The following CDK6 variants were observed in gnomAD, a reference collection of about 807,000 sequenced individuals.
The protein encoded by CDK6 is cyclin dependent kinase 6.
A neutral mutation model predicts 37.1 loss-of-function variants in CDK6; 6 were observed. The ratio of observed to expected loss-of-function variants is 0.16; its 90% confidence interval spans 0.09 to 0.32. The LOEUF (loss-of-function observed/expected upper bound fraction) is 0.32, where lower values mean the gene tolerates loss of function less well. Among genes scored for constraint, CDK6 ranks in the 10% least tolerant of loss-of-function variants. The probability of loss-of-function intolerance (pLI) is 1.00; values close to 1 mark genes in which losing one functional copy is unlikely to be tolerated. For synonymous variants in CDK6, 160 were observed against 161.3 expected (o/e 0.99, Z 0.06); for missense variants, 224 against 418.9 (o/e 0.53, Z 4.06).
Position 92,615,053 on chromosome 7 carries a change from C to T in CDK6, c.*87G>A, listed in dbSNP as rs2116475672. ...TGGAAGGCCTCCAGATAGCAATCCT[C>T]CACAGCTCTGTAGGGCTTGCTGAGG... On this transcript the variant is annotated 3_prime_UTR_variant, in exon 8 of 8. Transcript: ENST00000424848. The T allele has an allele frequency of 7.1e-7, 1 of 1,417,340 alleles. No individual in the cohort carries two copies. The highest frequency in any genetic ancestry group is 9.7e-7 in the Non-Finnish European group (1 of 1,029,368). 87.8% of individuals were successfully genotyped at this position (1,417,340 alleles called of 1,614,324 possible). A position where few individuals can be genotyped will look rare whatever the true frequency, so the allele number is the denominator to read the frequency against.
chr7:92,725,722 T>C lies in CDK6; in HGVS notation c.441A>G (p.Lys147=), dbSNP rs1169818645. The change falls in exon 4 of 8, where the codon AAA becomes AAG. Residue 147 remains lysine (K), a synonymous_variant. Coordinates refer to ENST00000424848, the MANE Select transcript of CDK6 (RefSeq NM_001145306.2). ...TGCTGGTCACCAGAATGTTCTGTGGTTTTAGATCGCGATGCACTACTCGGT... is the reference window on the plus strand; with the variant it reads ...TGCTGGTCACCAGAATGTTCTGTGGCTTTAGATCGCGATGCACTACTCGGT... ...HSHRVVHRDL[K]PQNILVTSSG... The C allele has an allele frequency of 1.2e-6, 2 of 1,614,044 alleles. No individual in the cohort carries two copies. Among genetic ancestry groups the C allele is most frequent in the South Asian group, 2.2e-5 (2 of 91,076 alleles).
chr7:92,781,940 C>T (rs531745412), intron 2 of CDK6, among the ~76,000 whole-genome samples: 5 of 152,214 alleles, frequency 3.3e-5, no homozygotes, highest in Non-Finnish European at 7.3e-5. Flanking sequence ...CCACTGTATT[C>T]TCTTTTTTGC....
intron 5 of CDK6, among the ~76,000 whole-genome samples, chr7:92,660,278 G>A (rs1450684338): frequency 6.6e-6 from 1 of 152,192 alleles, no homozygotes; most frequent in Non-Finnish European, 1.5e-5. Flanking sequence ...TGGGGCTACT[G>A]TAAGCACAGT....
chr7:92,711,670 C>T (rs1450276871), intron 4 of CDK6, among the ~76,000 whole-genome samples: 1 of 147,958 alleles, frequency 6.8e-6, no homozygotes, highest in East Asian at 2.0e-4. Flanking sequence ...TGGGCTCAAG[C>T]GATCTTCCCA....
Position 92,672,134 on chromosome 7 carries a change from C to CATATATATATATAT in CDK6, c.538-613_538-600dup, listed in dbSNP as rs372523914. 2.4e-3 allele frequency among the ~76,000 whole-genome samples: 159 copies of CATATATATATATAT among 65,388 alleles called. 4 individuals carry two copies. Among genetic ancestry groups the CATATATATATATAT allele is most frequent in the Middle Eastern group, 0.012 (1 of 84 alleles). 42.9% of individuals were successfully genotyped at this position (65,388 alleles called of 152,430 possible). A position where few individuals can be genotyped will look rare whatever the true frequency, so the allele number is the denominator to read the frequency against. On this transcript the variant is annotated intron_variant, in intron 4 of 7. Coordinates refer to ENST00000424848, the MANE Select transcript of CDK6 (RefSeq NM_001145306.2). ...AACCACTTGTACCCCAAAAGCTGTA[C>CATATATATATATAT]ATATATATATATATATATATATATA...
chr7:92,639,144 G>T (rs1796242575), intron 5 of CDK6, among the ~76,000 whole-genome samples: 1 of 152,020 alleles, frequency 6.6e-6, no homozygotes, highest in Non-Finnish European at 1.5e-5. Flanking sequence ...AAAAAATCTT[G>T]GCGCTTTGGT....
At chr7:92,826,638 C>A (rs769131941) in intron 2 of CDK6, among the ~76,000 whole-genome samples, 12 of 152,006 alleles carry the variant, frequency 7.9e-5, no homozygotes, top group Non-Finnish European at 1.6e-4. Context: ...AAAGCCAAAG[C>A]AAGTACAATA....
chr7:92,749,197 T>TAA (rs75300713), intron 3 of CDK6, among the ~76,000 whole-genome samples: 10 of 82,720 alleles, frequency 1.2e-4, no homozygotes, highest in African/African-American at 2.3e-4. Context: ...AGACTCTGCC[T>TAA]AAAAAAAAAA....
intron 6 of CDK6, among the ~76,000 whole-genome samples, chr7:92,622,429 G>A (rs1369404083): frequency 6.6e-6 from 1 of 152,150 alleles, no homozygotes; most frequent in Non-Finnish European, 1.5e-5. Flanking sequence ...AACAGTAATA[G>A]ATAACTTTTT....
chr7:92,644,307 T>A (rs868324851), intron 5 of CDK6, among the ~76,000 whole-genome samples: 3 of 152,176 alleles, frequency 2.0e-5, no homozygotes, highest in South Asian at 4.1e-4. Context: ...AAGCTCCCCA[T>A]GGATATATGG....
chr7:92,814,987 T>G (rs1800988875), intron 2 of CDK6, among the ~76,000 whole-genome samples: 1 of 152,146 alleles, frequency 6.6e-6, no homozygotes, highest in African/African-American at 2.4e-5. Context: ...ATATTTTTAC[T>G]AGAAGGGAGG....
intron 3 of CDK6, among the ~76,000 whole-genome samples, chr7:92,768,746 G>A (rs955533602): frequency 6.6e-6 from 1 of 152,116 alleles, no homozygotes; most frequent in African/African-American, 2.4e-5. Flanking sequence ...AGTGTCGGTG[G>A]CAGATGGCTA....
At chr7:92,656,254 G>A (rs905015770) in intron 5 of CDK6, among the ~76,000 whole-genome samples, 1 of 152,016 alleles carries the variant, frequency 6.6e-6, no homozygotes, top group Non-Finnish European at 1.5e-5. Context: ...CCAAGTGCTG[G>A]GTCTTATCAG....
rs188462061 is a variant in CDK6, at chr7:92,820,987, G to T, written c.233+12104C>A. On this transcript the variant is annotated intron_variant, in intron 2 of 7. Transcript: ENST00000424848. Reference sequence around the variant, plus strand: ...TTACAAAAAAGCTGGGGGTGGGGGGGTGGAAATTCTTTAACATTCCTTCCA... The same window carrying T: ...TTACAAAAAAGCTGGGGGTGGGGGGTTGGAAATTCTTTAACATTCCTTCCA... Among the ~76,000 whole-genome samples, 302 of 151,884 alleles carry T rather than the reference G, an allele frequency of 2.0e-3. 2 individuals are homozygous for T. Among genetic ancestry groups the T allele is most frequent in the African/African-American group, 7.0e-3 (291 of 41,426 alleles).
chr7:92,629,662 G>C (rs1440542296), intron 5 of CDK6, among the ~76,000 whole-genome samples: 1 of 152,224 alleles, frequency 6.6e-6, no homozygotes, highest in Non-Finnish European at 1.5e-5. Flanking sequence ...CCAAGAAATA[G>C]TTACTTCTCT....
chr7:92,703,871 G>T (rs1410896752), intron 4 of CDK6, among the ~76,000 whole-genome samples: 1 of 152,110 alleles, frequency 6.6e-6, no homozygotes, highest in Non-Finnish European at 1.5e-5. Context: ...ACTTCAAAAT[G>T]AATTCAAACA....
In CDK6 at chr7:92,725,488, C is replaced by T. The variant is rs3731316; in HGVS notation, c.537+138G>A. On this transcript the variant is annotated intron_variant, in intron 4 of 7. Coordinates refer to ENST00000424848, the MANE Select transcript of CDK6 (RefSeq NM_001145306.2). The stretch of plus-strand genomic sequence containing the variant: ...AGAATGCTTTCTGCCTACCCACTGC[C>T]ATATAAAAATGGGCAAAGACATTCT... The T allele has an allele frequency of 9.6e-3, 10,301 of 1,077,070 alleles. 735 individuals carry two copies. In the African/African-American group the frequency reaches 0.15, roughly 16 times the overall value. The allele number at this position is 1,077,070 out of a possible 1,614,324, so 66.7% of individuals were successfully genotyped here. A position where few individuals can be genotyped will look rare whatever the true frequency, so the allele number is the denominator to read the frequency against.
chr7:92,774,092 C>T (rs1258312134), intron 3 of CDK6, among the ~76,000 whole-genome samples: 2 of 152,190 alleles, frequency 1.3e-5, no homozygotes, highest in Non-Finnish European at 2.9e-5. Flanking sequence ...CAATATACTG[C>T]ATCTAGTTTA....
rs71107866 is a variant in CDK6, at chr7:92,672,190, T to TACACACACACACACACACACACACACAC, written c.538-683_538-656dup. Among the ~76,000 whole-genome samples the TACACACACACACACACACACACACACAC allele has an allele frequency of 1.4e-3, 86 of 62,652 alleles. 1 individual carries two copies. The highest frequency in any genetic ancestry group is 1.6e-3 in the Non-Finnish European group (63 of 40,332). The allele number at this position is 62,652 out of a possible 152,430, so 41.1% of individuals were successfully genotyped here. A position where few individuals can be genotyped will look rare whatever the true frequency, so the allele number is the denominator to read the frequency against. On this transcript the variant is annotated intron_variant, in intron 4 of 7. Coordinates refer to ENST00000424848, the MANE Select transcript of CDK6 (RefSeq NM_001145306.2). ...ATACACACACACACACACAGACACA[T>TACACACACACACACACACACACACACAC]ACACACACACACACACACACACACA...
Sources: allele counts gnomAD v4.1 joint callset (sites outside exome capture counted in the v4.1 genomes callset), GRCh38; gene constraint gnomAD v4.1.1; transcripts MANE v1.5; gene names NCBI Gene and HGNC (gene_info 2026-07-23, HGNC 2026-07-21).